Variants in TTC21B observed in about 807,000 individuals in gnomAD.
The protein encoded by TTC21B is tetratricopeptide repeat domain 21B, also known as tetratricopeptide repeat protein 21B.
A neutral mutation model predicts 175.1 loss-of-function variants in TTC21B; 127 were observed. The observed-to-expected ratio is 0.73, with a 90% CI of 0.63 to 0.84. The LOEUF (loss-of-function observed/expected upper bound fraction) is 0.84. Among genes scored for constraint, TTC21B ranks in the 40% least tolerant of loss-of-function variants. TTC21B has a pLI of 0.00. For missense variants in TTC21B, 1,561 were observed against 1,558.3 expected (o/e 1.00, Z -0.03); for synonymous variants, 524 against 524.5 (o/e 1.00, Z 0.01).
At chr2:165,927,168 A>G (rs201494470) in intron 11 of TTC21B, among the ~76,000 whole-genome samples, 17,758 of 18,300 alleles carry the variant, frequency 0.97, 8,633 homozygotes, top group Middle Eastern at 1. Context: ...ATATATCCTA[A>G]CAGTTATATA....
In TTC21B at chr2:165,929,578, A is replaced by G. The variant is rs898552912; in HGVS notation, c.1185+72T>C. The G allele has an allele frequency of 2.3e-5, 27 of 1,153,402 alleles. No homozygotes were observed. The Admixed American group carries it at 2.6e-4, about 11-fold the overall frequency. The allele number at this position is 1,153,402 out of a possible 1,614,324, so 71.4% of individuals were successfully genotyped here. ...AGTGCTTTACAGCCATTACAAAACA[A>G]TAAGACTGATTAATAATTTCATATT... On this transcript the variant is annotated intron_variant, in intron 10 of 28. Transcript: ENST00000243344.
At chr2:165,916,140 CATGG>C (rs1574101107) in intron 14 of TTC21B, among the ~76,000 whole-genome samples, 1 of 152,104 alleles carries the variant, frequency 6.6e-6, no homozygotes, top group East Asian at 1.9e-4. Context: ...ACTAGCTGGG[CATGG>C]CCCAGCTACT....
chr2:165,934,500 C>CAAAAAAAAAAAAAAAAAAAAAAAAAA (rs369089707), intron 6 of TTC21B, among the ~76,000 whole-genome samples: 1 of 71,894 alleles, frequency 1.4e-5, no homozygotes, highest in Non-Finnish European at 2.4e-5. Context: ...GACTCTGTCT[C>CAAAAAAAAAAAAAAAAAAAAAAAAAA]AAAAAAAAAA....
chr2:165,893,279 A>C (rs1685255529), intron 22 of TTC21B, among the ~76,000 whole-genome samples: 1 of 152,204 alleles, frequency 6.6e-6, no homozygotes, highest in Admixed American at 6.5e-5. Context: ...GTTGACAAGA[A>C]ATAGAGTAAC....
chr2:165,914,836 C>T (rs1401143689), intron 15 of TTC21B, among the ~76,000 whole-genome samples: 3 of 151,776 alleles, frequency 2.0e-5, no homozygotes, highest in African/African-American at 4.8e-5. Flanking sequence ...ACTACTATAT[C>T]GACTAATAAA....
At chr2:165,893,872 A>G (rs535572061) in intron 22 of TTC21B, among the ~76,000 whole-genome samples, 24 of 152,272 alleles carry the variant, frequency 1.6e-4, no homozygotes, top group African/African-American at 5.1e-4. Context: ...GGTAACTTTG[A>G]TATTATTAAA....
chr2:165,921,900 T>C (rs1574108360), intron 12 of TTC21B, among the ~76,000 whole-genome samples: 1 of 151,750 alleles, frequency 6.6e-6, no homozygotes, highest in Non-Finnish European at 1.5e-5. Flanking sequence ...TTAGTGGTGA[T>C]TTCTGAAATT....
intron 11 of TTC21B, among the ~76,000 whole-genome samples, chr2:165,925,744 T>C (rs1315045335): frequency 6.6e-6 from 1 of 152,186 alleles, no homozygotes; most frequent in Non-Finnish European, 1.5e-5. Flanking sequence ...AGTTTCATAT[T>C]TAGTTTTCCT....
At chr2:165,891,834 T>A (rs765073533) in intron 22 of TTC21B, among the ~76,000 whole-genome samples, 8 of 152,036 alleles carry the variant, frequency 5.3e-5, no homozygotes, top group Non-Finnish European at 8.8e-5. Context: ...AGCTAAAGAT[T>A]AGCACATTTT....
At chr2:165,877,116 AGT>A (rs1423679871) in intron 27 of TTC21B, among the ~76,000 whole-genome samples, 1 of 152,244 alleles carries the variant, frequency 6.6e-6, no homozygotes. Context: ...AGACAAGAAA[AGT>A]AACAGCAGCT....
intron 3 of TTC21B, chr2:165,949,121 A>C: frequency 2.4e-6 from 1 of 410,544 alleles, no homozygotes; most frequent in South Asian, 2.9e-5. Context: ...TTTGTGTAAC[A>C]ATTACTAATA....
At chr2:165,938,857 T>C (rs1040512689) in intron 6 of TTC21B, among the ~76,000 whole-genome samples, 8 of 152,146 alleles carry the variant, frequency 5.3e-5, no homozygotes, top group African/African-American at 7.2e-5. Context: ...TGTGGACTTA[T>C]TTGGATCCTG....
rs1685156210 is a variant in TTC21B, at chr2:165,890,614, A to C, written c.3128T>G (p.Leu1043Arg). 6.2e-7 allele frequency: 1 copy of C among 1,613,668 alleles called. No homozygotes were observed. The change falls in exon 24 of 29, where the codon CTT becomes CGT. Residue 1043 changes from leucine (L) to arginine (R), a missense_variant. By Grantham distance (102) the Leu-to-Arg change is moderately radical (BLOSUM62 -2). Transcript: ENST00000243344. ...LWYTGEPNDA[L>R]RHFNKARKDR... ...TTTCCGAGCTTTATTAAAATGTCGA[A>C]GGGCATCATTTGGTTCTCCAGTGTA... is the stretch of plus-strand genomic sequence containing the variant.
chr2:165,945,794 G>T, intron 3 of TTC21B, 104 bp from the exon 4 acceptor site: 1 of 1,117,372 alleles, frequency 8.9e-7, no homozygotes, highest in South Asian at 1.5e-5. Context: ...CTCTATAGTG[G>T]TACTGTCTAA....
At chr2:165,943,126 A>G in intron 5 of TTC21B, 93 bp downstream of exon 5, 1 of 1,312,252 alleles carries the variant, frequency 7.6e-7, no homozygotes, top group Non-Finnish European at 1.1e-6. Flanking sequence ...CATGAAAATT[A>G]TCAACTTTTT....
At chr2:165,936,287 T>A (rs1039410612) in intron 6 of TTC21B, among the ~76,000 whole-genome samples, 2 of 152,050 alleles carry the variant, frequency 1.3e-5, no homozygotes, top group Non-Finnish European at 2.9e-5. Context: ...GATACAGACC[T>A]CACCTTCTTC....
intron 11 of TTC21B, among the ~76,000 whole-genome samples, chr2:165,926,534 C>G (rs920238834): frequency 1.3e-5 from 2 of 152,152 alleles, no homozygotes; most frequent in African/African-American, 4.8e-5. Flanking sequence ...ACCAGCTGCT[C>G]CCATTGTCTG....
At chr2:165,927,313 A>G (rs1162792522) in intron 11 of TTC21B, among the ~76,000 whole-genome samples, 9 of 51,984 alleles carry the variant, frequency 1.7e-4, no homozygotes, top group African/African-American at 3.5e-4. Flanking sequence ...TATATTATAT[A>G]TTATATAATA....
Position 165,899,878 on chromosome 2 carries a change from A to C in TTC21B, c.2760T>G (p.Ile920Met), listed in dbSNP as rs762494767. 1.2e-6 allele frequency: 2 copies of C among 1,601,670 alleles called. No individual in the cohort carries two copies. The highest frequency in any genetic ancestry group is 1.7e-6 in the Non-Finnish European group (2 of 1,168,664). Residue 920 changes from isoleucine to methionine, a missense_variant and splice_region_variant, in exon 21 of 29, where the codon ATT becomes ATG. Ile to Met is a conservative substitution (Grantham distance 10). Coordinates refer to ENST00000243344, the MANE Select transcript of TTC21B (RefSeq NM_024753.5). ...GGTATAATCGTGCCAGTTCCAACAT[A>C]ATCTGTAGAGCAAAGGGCTAGATTC... ...ALVHCETDNK[I>M]MLELARLYLA...
Sources: allele counts gnomAD v4.1 joint callset (sites outside exome capture counted in the v4.1 genomes callset), GRCh38; gene constraint gnomAD v4.1.1; transcripts MANE v1.5; gene names NCBI Gene and HGNC (gene_info 2026-07-23, HGNC 2026-07-21).